DNAJC3: variants seen among roughly 807,000 people sequenced by gnomAD.
The protein encoded by DNAJC3 is dnaJ homolog subfamily C member 3.
DNAJC3 carries 38 observed loss-of-function variants against 68.6 expected under a neutral mutation model. The observed-to-expected ratio is 0.55, with a 90% CI of 0.43 to 0.73. The LOEUF (loss-of-function observed/expected upper bound fraction) is 0.73, where lower values mean the gene tolerates loss of function less well. Ranked by LOEUF, DNAJC3 falls within the 30% of genes least tolerant of loss-of-function variation. The pLI, the probability that DNAJC3 is intolerant of heterozygous loss-of-function variation, is 0.00. For missense variants in DNAJC3, 526 were observed against 591.9 expected, an observed-to-expected ratio of 0.89 and a Z score of 1.16; for synonymous variants, 203 against 204.0, an observed-to-expected ratio of 1.00 and a Z score of 0.04.
chr13:95,707,976 G>T (rs1593966707), intron 1 of DNAJC3, among the ~76,000 whole-genome samples: 1 of 152,290 alleles, frequency 6.6e-6, no homozygotes, highest in East Asian at 1.9e-4. Flanking sequence ...GAGTCCAGGT[G>T]CTTCTGTGGG....
At chr13:95,687,738 G>T (rs1880107558) in intron 1 of DNAJC3, among the ~76,000 whole-genome samples, 1 of 152,070 alleles carries the variant, frequency 6.6e-6, no homozygotes, top group Non-Finnish European at 1.5e-5. Context: ...TTTTGCTAAG[G>T]ATTGCTTTGG....
At chr13:95,755,569 CA>C (rs1287686850) in intron 4 of DNAJC3, among the ~76,000 whole-genome samples, 1 of 151,486 alleles carries the variant, frequency 6.6e-6, no homozygotes, top group Non-Finnish European at 1.5e-5. Context: ...CCACCCTGGC[CA>C]ATATGGTGAA....
chr13:95,746,616 AT>A (rs1417294587), intron 4 of DNAJC3, among the ~76,000 whole-genome samples: 1 of 152,126 alleles, frequency 6.6e-6, no homozygotes, highest in Non-Finnish European at 1.5e-5. Flanking sequence ...ATTTTTGAAG[AT>A]TTGTGAGTAT....
In DNAJC3 at chr13:95,794,658, T is replaced by C. The variant is rs1047452132; in HGVS notation, c.*3628T>C. The C allele has an allele frequency of 6.6e-6, 1 of 152,222 alleles. No individual in the cohort carries two copies. Among genetic ancestry groups the C allele is most frequent in the Middle Eastern group, 3.2e-3 (1 of 316 alleles). The allele number at this position is 152,222 out of a possible 1,614,324, so 9.4% of individuals were successfully genotyped here. On this transcript the variant is annotated 3_prime_UTR_variant, in exon 12 of 12. Coordinates refer to ENST00000602402, the MANE Select transcript of DNAJC3 (RefSeq NM_006260.5). ...ATGATCTCATTTGCTGAATGATTGATTTAAGAGTAAAATTAGCCACTGCGT... is the reference window on the plus strand; with the variant it reads ...ATGATCTCATTTGCTGAATGATTGACTTAAGAGTAAAATTAGCCACTGCGT...
At chr13:95,757,494 C>A in intron 4 of DNAJC3, 150 bp from the exon 5 acceptor site, 1 of 694,688 alleles carries the variant, frequency 1.4e-6, no homozygotes, top group South Asian at 4.2e-5. Flanking sequence ...CCTGCTGCAT[C>A]CAGTCATCAG....
chr13:95,721,801 G>A (rs1881331502), intron 2 of DNAJC3, among the ~76,000 whole-genome samples: 1 of 151,948 alleles, frequency 6.6e-6, no homozygotes, highest in African/African-American at 2.4e-5. Flanking sequence ...ATGTTTGGTT[G>A]TATAGCCTAA....
At chr13:95,688,944 G>T (rs1413502299) in intron 1 of DNAJC3, among the ~76,000 whole-genome samples, 1 of 150,516 alleles carries the variant, frequency 6.6e-6, no homozygotes, top group Non-Finnish European at 1.5e-5. Context: ...GTGTGTGTGT[G>T]TGTGTGTGTG....
chr13:95,730,058 C>T (rs1045697180), intron 4 of DNAJC3, among the ~76,000 whole-genome samples: 12 of 152,258 alleles, frequency 7.9e-5, no homozygotes, highest in Middle Eastern at 3.4e-3. Context: ...GTGGCATGAT[C>T]GTGGCTTACT....
At chr13:95,709,416 TAAAA>T in intron 2 of DNAJC3, 79 bp downstream of exon 2, 1 of 970,352 alleles carries the variant, frequency 1.0e-6, no homozygotes, top group Non-Finnish European at 1.5e-6. Context: ...AAATAACATT[TAAAA>T]TAAACATTAT....
At chr13:95,690,649 TGGCC>T (rs1346800202) in intron 1 of DNAJC3, among the ~76,000 whole-genome samples, 5 of 141,032 alleles carry the variant, frequency 3.5e-5, no homozygotes, top group African/African-American at 1.4e-4. Flanking sequence ...ACGGGGCGGC[TGGCC>T]GGGCGGGGGG....
At chr13:95,762,981 G>A (rs1282334293) in intron 7 of DNAJC3, among the ~76,000 whole-genome samples, 1 of 152,242 alleles carries the variant, frequency 6.6e-6, no homozygotes, top group Non-Finnish European at 1.5e-5. Context: ...TACATATGAA[G>A]ATTGTAGCAC....
At chr13:95,679,199 C>CTTTTTTTTTT (rs3086610) in intron 1 of DNAJC3, among the ~76,000 whole-genome samples, 2 of 108,414 alleles carry the variant, frequency 1.8e-5, no homozygotes, top group African/African-American at 7.9e-5. Flanking sequence ...AAAATCAGCA[C>CTTTTTTTTTT]TTTTTTTTTT....
chr13:95,709,052 A>G (rs1052682885), intron 1 of DNAJC3, among the ~76,000 whole-genome samples, 175 bp from the exon 2 acceptor site: 2 of 152,330 alleles, frequency 1.3e-5, no homozygotes, highest in Admixed American at 6.5e-5. Flanking sequence ...TGTGCTCCAT[A>G]TAATGAAATA....
chr13:95,754,350 A>G (rs1442420078), intron 4 of DNAJC3, among the ~76,000 whole-genome samples: 1 of 152,166 alleles, frequency 6.6e-6, no homozygotes, highest in Non-Finnish European at 1.5e-5. Context: ...AGAGCCAGCA[A>G]GTGAGAAGGT....
At chr13:95,712,120 T>C (rs1173949458) in intron 2 of DNAJC3, among the ~76,000 whole-genome samples, 1 of 152,186 alleles carries the variant, frequency 6.6e-6, no homozygotes, top group East Asian at 1.9e-4. Context: ...GAGAAAAATA[T>C]TATTTCAAAG....
chr13:95,754,136 A>C (rs1882577223), intron 4 of DNAJC3, among the ~76,000 whole-genome samples: 1 of 152,222 alleles, frequency 6.6e-6, no homozygotes, highest in Non-Finnish European at 1.5e-5. Context: ...TCTGCTGCTT[A>C]CTGCAGGGTC....
At chr13:95,789,211 A>C (rs1594033870) in intron 11 of DNAJC3, among the ~76,000 whole-genome samples, 1 of 151,938 alleles carries the variant, frequency 6.6e-6, no homozygotes, top group Non-Finnish European at 1.5e-5. Context: ...TACATAGGTA[A>C]ATGTGTGTTA....
At chr13:95,735,135 A>G (rs1181830846) in intron 4 of DNAJC3, among the ~76,000 whole-genome samples, 1 of 149,254 alleles carries the variant, frequency 6.7e-6, no homozygotes, top group South Asian at 2.1e-4. Flanking sequence ...CCATGTCCCT[A>G]CAAAGGACAT....
At chr13:95,690,596 C>T (rs78819737) in intron 1 of DNAJC3, among the ~76,000 whole-genome samples, 34 of 147,930 alleles carry the variant, frequency 2.3e-4, no homozygotes, top group Admixed American at 1.7e-3. Context: ...CCGGACGGGG[C>T]GACTGGCCAG....
Sources: allele counts gnomAD v4.1 joint callset (sites outside exome capture counted in the v4.1 genomes callset), GRCh38; gene constraint gnomAD v4.1.1; transcripts MANE v1.5; gene names NCBI Gene and HGNC (gene_info 2026-07-23, HGNC 2026-07-21).